Variants in DNAH14 observed in about 807,000 individuals in gnomAD.
DNAH14 encodes dynein axonemal heavy chain 14.
Under a neutral mutation model 520.9 loss-of-function variants are expected in DNAH14, and 478 were observed. The observed-to-expected ratio is 0.92, with a 90% CI of 0.85 to 0.99. DNAH14 has a LOEUF of 0.99. Among genes scored for constraint, DNAH14 ranks in the 50% least tolerant of loss-of-function variants. The pLI, the probability that DNAH14 is intolerant of heterozygous loss-of-function variation, is 0.00. For missense variants in DNAH14, 4,831 were observed against 5,234.5 expected, an observed-to-expected ratio of 0.92 and a Z score of 2.38; for synonymous variants, 1,581 against 1,757.2, an observed-to-expected ratio of 0.90 and a Z score of 2.51.
intron 64 of DNAH14, among the ~76,000 whole-genome samples, chr1:225,326,895 T>A (rs1420331308): frequency 2.6e-5 from 4 of 151,698 alleles, no homozygotes; most frequent in Non-Finnish European, 4.4e-5. Context: ...ATCATGGATT[T>A]AAAAAAGAAA....
At chr1:225,341,841 C>A (rs942452982) in intron 69 of DNAH14, among the ~76,000 whole-genome samples, 1 of 152,182 alleles carries the variant, frequency 6.6e-6, no homozygotes, top group Non-Finnish European at 1.5e-5. Flanking sequence ...TACAGTTTAT[C>A]TAACAATGGA....
intron 38 of DNAH14, 145 bp from the exon 39 acceptor site, chr1:225,204,038 G>A: frequency 2.2e-6 from 1 of 449,938 alleles, no homozygotes; most frequent in Admixed American, 4.5e-5. Context: ...ATTAGACTAT[G>A]CTGGTTATAT....
At chr1:225,287,401 G>A (rs4653627) in intron 54 of DNAH14, among the ~76,000 whole-genome samples, 83,851 of 151,862 alleles carry the variant, frequency 0.55, 23,429 homozygotes, top group East Asian at 0.78. Flanking sequence ...ATATACTGGA[G>A]TTGAATAATG....
chr1:225,192,022 G>A (rs890023984), intron 37 of DNAH14, among the ~76,000 whole-genome samples: 7 of 152,032 alleles, frequency 4.6e-5, no homozygotes, highest in Non-Finnish European at 8.8e-5. Context: ...TCTGAGTCTA[G>A]TGATCAAGCT....
At chr1:225,118,789 A>T (rs2077063303) in intron 25 of DNAH14, among the ~76,000 whole-genome samples, 1 of 151,568 alleles carries the variant, frequency 6.6e-6, no homozygotes, top group South Asian at 2.1e-4. Context: ...GGGCTGGGAC[A>T]GGAGAATCAC....
At chr1:225,344,014 T>C (rs1315436530) in intron 69 of DNAH14, among the ~76,000 whole-genome samples, 1 of 152,204 alleles carries the variant, frequency 6.6e-6, no homozygotes, top group Middle Eastern at 3.2e-3. Flanking sequence ...ATAACACACA[T>C]TAGGGCACTA....
chr1:225,293,939 TTATC>T (rs1443917031), intron 55 of DNAH14, among the ~76,000 whole-genome samples: 2 of 152,164 alleles, frequency 1.3e-5, no homozygotes, highest in Non-Finnish European at 2.9e-5. Flanking sequence ...TTTCTTTCCT[TTATC>T]TAATTGCTTT....
chr1:225,222,457 C>T (rs76137073), intron 41 of DNAH14, among the ~76,000 whole-genome samples: 5 of 152,006 alleles, frequency 3.3e-5, no homozygotes, highest in African/African-American at 4.8e-5. Flanking sequence ...TGACCAGCAG[C>T]AAGATTTATT....
chr1:225,368,554 T>C (rs2095580819), intron 77 of DNAH14, among the ~76,000 whole-genome samples: 1 of 152,186 alleles, frequency 6.6e-6, no homozygotes, highest in Admixed American at 6.5e-5. Context: ...TATTTGTGCT[T>C]TATTGCAGGG....
chr1:225,362,693 C>G (rs189504744), intron 75 of DNAH14, among the ~76,000 whole-genome samples: 1 of 151,758 alleles, frequency 6.6e-6, no homozygotes, highest in Non-Finnish European at 1.5e-5. Context: ...CTCCAAAAGG[C>G]TACTATCAAA....
chr1:225,389,974 C>T (rs1252123901), intron 83 of DNAH14, 101 bp downstream of exon 83: 1 of 1,067,728 alleles, frequency 9.4e-7, no homozygotes, highest in Non-Finnish European at 1.4e-6. Context: ...AGGATGACAA[C>T]ACCTGCGCCT....
At chr1:225,215,605 A>G (rs1402130191) in intron 41 of DNAH14, among the ~76,000 whole-genome samples, 1 of 152,170 alleles carries the variant, frequency 6.6e-6, no homozygotes, top group East Asian at 1.9e-4. Flanking sequence ...TATATTTAGG[A>G]TAGTTAGCTC....
chr1:225,387,128 A>G (rs199730332), intron 81 of DNAH14, among the ~76,000 whole-genome samples: 1 of 152,056 alleles, frequency 6.6e-6, no homozygotes, highest in African/African-American at 2.4e-5. Context: ...TGAGCAAACT[A>G]TTGCAAGGAC....
At chr1:225,108,043 C>A in intron 23 of DNAH14, among the ~76,000 whole-genome samples, 1 of 152,140 alleles carries the variant, frequency 6.6e-6, no homozygotes, top group Non-Finnish European at 1.5e-5. Flanking sequence ...ACTGGGAGAG[C>A]CAGTCCCACC....
chr1:225,009,820 C>G (rs966983608), intron 10 of DNAH14, among the ~76,000 whole-genome samples: 1 of 151,878 alleles, frequency 6.6e-6, no homozygotes, highest in African/African-American at 2.4e-5. Flanking sequence ...AGGTCCTTCA[C>G]ATCTCTTGTA....
chr1:225,333,620 A>T, intron 66 of DNAH14, 114 bp downstream of exon 66: 1 of 980,066 alleles, frequency 1.0e-6, no homozygotes, highest in Non-Finnish European at 1.5e-6. Flanking sequence ...GATAAATGAA[A>T]ATATTTTGTT....
intron 39 of DNAH14, 89 bp from the exon 40 acceptor site, chr1:225,205,882 T>C (rs956717537): frequency 1.4e-5 from 15 of 1,094,668 alleles, no homozygotes; most frequent in Admixed American, 2.5e-5. Flanking sequence ...TTAGAAAATA[T>C]GTCCTAAGTA....
chr1:224,980,114 A>G (rs2125689573), intron 8 of DNAH14, among the ~76,000 whole-genome samples: 1 of 152,228 alleles, frequency 6.6e-6, no homozygotes, highest in Middle Eastern at 3.4e-3. Flanking sequence ...GCAGAGGGAA[A>G]AGTAAAGGGG....
rs532788781 is a variant in DNAH14, at chr1:225,331,289, TTTTCATTGG to T, written c.9724-146_9724-138del. The T allele has an allele frequency of 5.1e-4, 360 of 709,966 alleles. 3 individuals are homozygous for T. In the South Asian group the frequency reaches 7.5e-3, roughly 15 times the overall value. The allele number at this position is 709,966 out of a possible 1,614,324, so 44.0% of individuals were successfully genotyped here. ...AATCATTTCATTTCTACAATGTCCA[TTTTCATTGG>T]TAATATAATCCCTCCAGAAAGATTT... On this transcript the variant is annotated intron_variant, in intron 64 of 85. Transcript: ENST00000682510.
Sources: allele counts gnomAD v4.1 joint callset (sites outside exome capture counted in the v4.1 genomes callset), GRCh38; gene constraint gnomAD v4.1.1; transcripts MANE v1.5; gene names NCBI Gene and HGNC (gene_info 2026-07-23, HGNC 2026-07-21).